SPATS2: variants seen among roughly 807,000 people sequenced by gnomAD.
The protein encoded by SPATS2 is spermatogenesis associated serine rich 2.
A neutral mutation model predicts 63.7 loss-of-function variants in SPATS2; 38 were observed. The ratio of observed to expected loss-of-function variants is 0.60; its 90% CI spans 0.46 to 0.78. The LOEUF (loss-of-function observed/expected upper bound fraction) is 0.78. SPATS2 is among the 30% of genes least tolerant of loss of function. SPATS2 has a pLI of 0.00. For synonymous variants in SPATS2, 207 were observed against 232.9 expected (o/e 0.89, Z 1.01); for missense variants, 588 against 666.2 (o/e 0.88, Z 1.29).
chr12:49,373,152 T>G (rs1474248810), intron 2 of SPATS2, among the ~76,000 whole-genome samples: 2 of 152,112 alleles, frequency 1.3e-5, no homozygotes, highest in African/African-American at 4.8e-5. Context: ...TTTTGTATTT[T>G]TAGTAGAGAG....
chr12:49,439,608 G>A (rs1945380284), intron 2 of SPATS2, among the ~76,000 whole-genome samples: 1 of 152,158 alleles, frequency 6.6e-6, no homozygotes, highest in Admixed American at 6.5e-5. Context: ...TTGAGCAGTT[G>A]GGTGAGTGGT....
At chr12:49,436,068 C>A (rs979003819) in intron 2 of SPATS2, among the ~76,000 whole-genome samples, 17 of 151,852 alleles carry the variant, frequency 1.1e-4, no homozygotes, top group Non-Finnish European at 1.9e-4. Context: ...GGCAACCATC[C>A]GATTTCTCAA....
chr12:49,516,893 G>T (rs939979606), intron 10 of SPATS2, among the ~76,000 whole-genome samples: 1 of 151,840 alleles, frequency 6.6e-6, no homozygotes. Flanking sequence ...TGAAAATCCT[G>T]GTTCTCAATG....
At chr12:49,369,743 G>T (rs529018195) in intron 1 of SPATS2, among the ~76,000 whole-genome samples, 1 of 152,280 alleles carries the variant, frequency 6.6e-6, no homozygotes, top group South Asian at 2.1e-4. Flanking sequence ...TTTTGCTTAG[G>T]ATTTGTCCTG....
chr12:49,523,049 A>G (rs1293508674), intron 12 of SPATS2, among the ~76,000 whole-genome samples, 196 bp downstream of exon 12: 2 of 152,188 alleles, frequency 1.3e-5, no homozygotes, highest in Admixed American at 6.5e-5. Flanking sequence ...CCAGCTCCCT[A>G]AATGTGAAAG....
intron 2 of SPATS2, among the ~76,000 whole-genome samples, chr12:49,450,010 T>C (rs980099066): frequency 3.9e-5 from 6 of 152,204 alleles, no homozygotes; most frequent in African/African-American, 1.4e-4. Flanking sequence ...TAATTCTGTT[T>C]CTGATGTCAT....
chr12:49,406,259 G>A (rs1944695273), intron 2 of SPATS2, among the ~76,000 whole-genome samples: 1 of 151,772 alleles, frequency 6.6e-6, no homozygotes, highest in Admixed American at 6.6e-5. Flanking sequence ...ATCTTGGAAT[G>A]CTAGATCTTT....
At chr12:49,402,240 A>AGGGTT (rs2137304354) in intron 2 of SPATS2, among the ~76,000 whole-genome samples, 1 of 152,314 alleles carries the variant, frequency 6.6e-6, no homozygotes, top group African/African-American at 2.4e-5. Context: ...TTTGCCAGGC[A>AGGGTT]GGTATGATGA....
At chr12:49,498,145 A>AAAAATATATATATATATAT (rs66900382) in intron 8 of SPATS2, among the ~76,000 whole-genome samples, 4 of 98,976 alleles carry the variant, frequency 4.0e-5, no homozygotes, top group African/African-American at 1.5e-4. Flanking sequence ...AAAAAAAAAA[A>AAAAATATATATATATATAT]ATATATATAT....
intron 3 of SPATS2, among the ~76,000 whole-genome samples, chr12:49,471,727 T>C (rs1946037166): frequency 6.6e-6 from 1 of 152,226 alleles, no homozygotes; most frequent in Non-Finnish European, 1.5e-5. Flanking sequence ...TGTCCAGAAC[T>C]GTTTTCATAT....
intron 6 of SPATS2, among the ~76,000 whole-genome samples, chr12:49,492,861 C>T (rs1235281449): frequency 1.3e-5 from 2 of 151,706 alleles, no homozygotes; most frequent in East Asian, 1.9e-4. Flanking sequence ...TTTGGGAGGT[C>T]GAGGCAGGTG....
In SPATS2 at chr12:49,526,160, G is replaced by A; in HGVS notation, c.1543G>A (p.Val515Ile). 3.7e-6 allele frequency: 6 copies of A among 1,614,210 alleles called. No individual in the cohort carries two copies. In the South Asian group the frequency reaches 4.4e-5, roughly 12 times the overall value. ...CTCTGCAGGGACCAATGGAACTGGA[G>A]TCAGCATGGAGCCCAGCCCTCCCAC... ...THSAGTNGTG[V>I]SMEPSPPTPS... The change falls in exon 14 of 14, where the codon GTC becomes ATC. Residue 515 changes from valine to isoleucine, a missense_variant. Transcript: ENST00000552918.
At chr12:49,424,227 A>G (rs1042071680) in intron 2 of SPATS2, among the ~76,000 whole-genome samples, 1 of 151,864 alleles carries the variant, frequency 6.6e-6, no homozygotes, top group African/African-American at 2.4e-5. Context: ...AACAAACAAA[A>G]AAAACAAACT....
intron 2 of SPATS2, among the ~76,000 whole-genome samples, chr12:49,376,155 G>A (rs1193979025): frequency 2.1e-5 from 3 of 141,382 alleles, no homozygotes; most frequent in Non-Finnish European, 3.0e-5. Flanking sequence ...ATGCTGGAGT[G>A]CAGTGGTGCA....
At position 49,441,574 on chromosome 12, in the gene SPATS2, C is replaced by CA. The variant is rs1297138755; in HGVS notation, c.-243-19194dup. 7.2e-5 allele frequency among the ~76,000 whole-genome samples: 11 copies of CA among 152,272 alleles called. 1 individual carries two copies. The East Asian group carries it at 2.1e-3, about 29-fold the overall frequency. ...TCACAACTCTAGTGAATCTCTTTAC[C>CA]AATTTCCTTTCAAAATCCAATTACC... On this transcript the variant is annotated intron_variant, in intron 2 of 13. Transcript: ENST00000552918.
chr12:49,428,523 T>C (rs890867920), intron 2 of SPATS2, among the ~76,000 whole-genome samples: 4 of 152,182 alleles, frequency 2.6e-5, no homozygotes, highest in Admixed American at 1.3e-4. Flanking sequence ...TGGAATGATA[T>C]AGTATTTGTT....
intron 2 of SPATS2, among the ~76,000 whole-genome samples, chr12:49,431,793 G>A (rs1945190393): frequency 6.6e-6 from 1 of 152,122 alleles, no homozygotes. Context: ...AGCACTTTGG[G>A]AGGCCGAGGC....
chr12:49,465,546 T>C (rs1945897499), intron 3 of SPATS2, among the ~76,000 whole-genome samples: 1 of 152,096 alleles, frequency 6.6e-6, no homozygotes, highest in African/African-American at 2.4e-5. Context: ...AGTTTTGGAG[T>C]CTTATTATCG....
chr12:49,497,689 C>T (rs969171892), intron 8 of SPATS2, among the ~76,000 whole-genome samples: 1 of 152,082 alleles, frequency 6.6e-6, no homozygotes, highest in Non-Finnish European at 1.5e-5. Context: ...CCACTGCGCC[C>T]AGCCAACATT....
Sources: gnomAD v4.1 joint callset for allele counts (sites outside exome capture counted in the v4.1 genomes callset) on GRCh38, gnomAD v4.1.1 for gene constraint, MANE v1.5 for transcripts, NCBI Gene and HGNC (gene_info 2026-07-23, HGNC 2026-07-21) for gene names.